Variants in ADAM30 observed in about 807,000 individuals in gnomAD.
ADAM30 encodes ADAM metallopeptidase domain 30.
For missense variants in ADAM30, 960 were observed against 959.4 expected (o/e 1.00, Z -0.01); for synonymous variants, 382 against 340.9 (o/e 1.12, Z -1.33).
Position 119,894,348 on chromosome 1 carries a change from T to A in ADAM30, c.1989A>T (p.Glu663Asp), listed in dbSNP as rs755989092. ...TGTCAATGCTTCCTCCATACCCCAC[T>A]TCCTCACAGAATGGAGGTGCCCACC... ...MYGWAPPFCE[E>D]VGYGGSIDSG... The change falls in exon 1 of 1, where the codon GAA (glutamate) becomes GAT (aspartate). Residue 663 changes from glutamate (E) to aspartate (D), a missense_variant. Glu to Asp is a conservative substitution (Grantham distance 45). Coordinates refer to ENST00000369400, the MANE Select transcript of ADAM30 (RefSeq NM_021794.4). 6.2e-7 allele frequency: 1 copy of A among 1,614,162 alleles called. No individual in the cohort carries two copies.
At position 119,895,245 on chromosome 1, in the gene ADAM30, G is replaced by A; in HGVS notation, c.1092C>T (p.Gly364=). ...AATTGCTAAACCCAGTGCGTCCTGA[G>A]CCCATGATGCAATTAAGCCTACCCC... ...QCRGRLNCIM[G]SGRTGFSNCS... The change falls in exon 1 of 1, where the codon GGC becomes GGT. Residue 364 remains glycine, a synonymous_variant. Coordinates refer to ENST00000369400, the MANE Select transcript of ADAM30 (RefSeq NM_021794.4). 4 of 1,614,158 alleles carry A rather than the reference G, an allele frequency of 2.5e-6. No homozygotes were observed. The highest frequency in any genetic ancestry group is 2.5e-6 in the Non-Finnish European group (3 of 1,180,024).
Position 119,893,722 on chromosome 1 carries a change from C to T in ADAM30, c.*242G>A. ...TTCAGAGCTTTAGTGTATGGAAAAG[C>T]CATTAGAGCATGATTCTCAGAATAC... On this transcript the variant is annotated 3_prime_UTR_variant, in exon 1 of 1. Transcript: ENST00000369400. The T allele has an allele frequency of 3.0e-6, 2 of 659,680 alleles. No homozygotes were observed. Among genetic ancestry groups the T allele is most frequent in the Non-Finnish European group, 4.8e-6 (2 of 417,844 alleles). The allele number at this position is 659,680 out of a possible 1,614,324, so 40.9% of individuals were successfully genotyped here. A position where few individuals can be genotyped will look rare whatever the true frequency, so the allele number is the denominator to read the frequency against.
rs752884037 is a variant in ADAM30, at chr1:119,894,813, T to G, written c.1524A>C (p.Gln508His). ...KGCRSRYMQC[Q>H]SIFGPDAMEA... ...CCATGGCATCAGGTCCAAAAATGCT[T>G]TGGCACTGCATATATCTGGATCTGC... The change falls in exon 1 of 1, where the codon CAA (glutamine) becomes CAC (histidine). Residue 508 changes from glutamine to histidine, a missense_variant. Physicochemically the swap from Gln to His is conservative, Grantham distance 24. Transcript: ENST00000369400. The G allele has an allele frequency of 1.9e-6, 3 of 1,614,072 alleles. No homozygotes were observed. The highest frequency in any genetic ancestry group is 2.5e-6 in the Non-Finnish European group (3 of 1,180,034).
chr1:119,895,603 C>G lies in ADAM30; in HGVS notation c.734G>C (p.Arg245Pro). 2 of 1,613,876 alleles carry G rather than the reference C, an allele frequency of 1.2e-6. No individual in the cohort carries two copies. The highest frequency in any genetic ancestry group is 1.7e-6 in the Non-Finnish European group (2 of 1,180,008). The change falls in exon 1 of 1, where the codon CGT becomes CCT. Residue 245 changes from arginine (R) to proline (P), a missense_variant. Transcript: ENST00000369400. Reference protein sequence around the residue: ...GIMDTYFQDVRMRIHLKALEV... With the variant: ...GIMDTYFQDVPMRIHLKALEV... ...AAGAGCCTTTAAGTGTATCCTCATACGAACATCTTGAAAGTAGGTGTCCAT... is the reference window on the plus strand; with the variant it reads ...AAGAGCCTTTAAGTGTATCCTCATAGGAACATCTTGAAAGTAGGTGTCCAT...
At position 119,896,428 on chromosome 1, in the gene ADAM30, C is replaced by T; in HGVS notation, c.-92G>A. On this transcript the variant is annotated 5_prime_UTR_variant, in exon 1 of 1. Transcript: ENST00000369400. ...TTCTGGGGGCCGCCGCTAGAGGCGCCTGAGCTCAAAACCCGGCTCCCCTGG... is the reference window on the plus strand; with the variant it reads ...TTCTGGGGGCCGCCGCTAGAGGCGCTTGAGCTCAAAACCCGGCTCCCCTGG... 1 of 1,435,854 alleles carries T rather than the reference C, an allele frequency of 7.0e-7. No homozygotes were observed. Among genetic ancestry groups the T allele is most frequent in the Non-Finnish European group, 9.1e-7 (1 of 1,093,850 alleles). 88.9% of individuals were successfully genotyped at this position (1,435,854 alleles called of 1,614,324 possible).
Position 119,895,564 on chromosome 1 carries a change from T to TC in ADAM30, c.772dup (p.Asp258GlyfsTer3). ...ATATCCAACGCGTATTTTGTTAAAA[T>TC]CTGTCCATACTTCAAGAGCCTTTAA... On this transcript the variant is annotated frameshift_variant, in exon 1 of 1. Transcript: ENST00000369400. LOFTEE classifies it low-confidence loss of function (END_TRUNC). 6.2e-7 allele frequency: 1 copy of TC among 1,613,904 alleles called. No homozygotes were observed. The highest frequency in any genetic ancestry group is 8.5e-7 in the Non-Finnish European group (1 of 1,180,038).
rs1192100903 is a variant in ADAM30 at position 119,895,209 on chromosome 1, G to T, written c.1128C>A (p.Ile376=). 3.1e-5 allele frequency: 50 copies of T among 1,614,058 alleles called. 2 individuals are homozygous for T. The South Asian group carries it at 4.8e-4, about 16-fold the overall frequency. ...GRTGFSNCSY[I]SFFKHISSGA... ...CCGAAGAGATATGTTTAAAAAAAGA[G>T]ATATAACTGCAATTGCTAAACCCAG... The change falls in exon 1 of 1, where the codon ATC becomes ATA. Residue 376 remains isoleucine (I), a synonymous_variant. Transcript: ENST00000369400.
Position 119,894,971 on chromosome 1 carries a change from CG to C in ADAM30, c.1365del (p.Tyr455Ter). 1 of 1,614,196 alleles carries C rather than the reference CG, an allele frequency of 6.2e-7. No homozygotes were observed. Among genetic ancestry groups the C allele is most frequent in the Non-Finnish European group, 8.5e-7 (1 of 1,180,046 alleles). ...CATTCATTTCCTTCCTGCCTACACA[CG>C]TATCCAGATGGACGAAACCGACAAT... is the stretch of plus-strand genomic sequence containing the variant. ...CHDCRFRPSG[Y>X]VCRQEGNECD... is the part of the protein sequence containing the mutation. On this transcript the variant is annotated frameshift_variant, in exon 1 of 1. Coordinates refer to ENST00000369400, the MANE Select transcript of ADAM30 (RefSeq NM_021794.4). LOFTEE classifies it low-confidence loss of function (END_TRUNC).
chr1:119,894,982 G>A lies in ADAM30; in HGVS notation c.1355C>T (p.Pro452Leu), dbSNP rs1438007761. ...GLCCHDCRFR[P>L]SGYVCRQEGN... ...TTCCTGCCTACACACGTATCCAGAT[G>A]GACGAAACCGACAATCATGACAGCA... The change falls in exon 1 of 1, where the codon CCA (proline) becomes CTA (leucine). Residue 452 changes from proline to leucine, a missense_variant. Physicochemically the swap from Pro to Leu is moderately conservative, Grantham distance 98. Coordinates refer to ENST00000369400, the MANE Select transcript of ADAM30 (RefSeq NM_021794.4). 6.2e-7 allele frequency: 1 copy of A among 1,614,070 alleles called. No individual in the cohort carries two copies. The highest frequency in any genetic ancestry group is 2.2e-5 in the East Asian group (1 of 44,898).
At position 119,896,481 on chromosome 1, in the gene ADAM30, C is replaced by T. The variant is rs587731764; in HGVS notation, c.-145G>A. ...GGGTTTCCGGGGGAGCCCGTAGCCT[C>T]CCAGGGCTCGGTCTAGCTGGCGTCC... On this transcript the variant is annotated 5_prime_UTR_variant, in exon 1 of 1. Transcript: ENST00000369400. 19 of 1,339,794 alleles carry T rather than the reference C, an allele frequency of 1.4e-5. No homozygotes were observed. The East Asian group carries it at 4.7e-4, about 33-fold the overall frequency. The allele number at this position is 1,339,794 out of a possible 1,614,324, so 83.0% of individuals were successfully genotyped here.
In ADAM30 at chr1:119,895,186, G is replaced by A. The variant is rs141186333; in HGVS notation, c.1151C>T (p.Ser384Leu). 672 of 1,614,074 alleles carry A rather than the reference G, an allele frequency of 4.2e-4. 2 individuals carry two copies. The Middle Eastern group carries it at 5.0e-3, about 12-fold the overall frequency. ...SYISFFKHIS[S>L]GATCLNNIPG... is the part of the protein sequence containing the mutation. ...GATATTATTTAGACATGTTGCTCCCGAAGAGATATGTTTAAAAAAAGAGAT... is the reference window on the plus strand; with the variant it reads ...GATATTATTTAGACATGTTGCTCCCAAAGAGATATGTTTAAAAAAAGAGAT... Residue 384 changes from serine to leucine, a missense_variant, in exon 1 of 1, where the codon TCG becomes TTG. Transcript: ENST00000369400.
Position 119,894,698 on chromosome 1 carries a change from A to G in ADAM30, c.1639T>C (p.Cys547Arg), listed in dbSNP as rs1484733718. 6.2e-7 allele frequency: 1 copy of G among 1,613,970 alleles called. No individual in the cohort carries two copies. Among genetic ancestry groups the G allele is most frequent in the East Asian group, 2.2e-5 (1 of 44,896 alleles). The change falls in exon 1 of 1, where the codon TGT becomes CGT. Residue 547 changes from cysteine (C) to arginine (R), a missense_variant. Transcript: ENST00000369400. ...CCACATATTGAATTTGCACTTTCAC[A>G]CTTTTTAAAATTTCGAATTCCTGTA... The part of the protein sequence containing the change: ...EITGIRNFKK[C>R]ESANSICGRL...
Position 119,894,231 on chromosome 1 carries a change from T to C in ADAM30, c.2106A>G (p.Ser702=). 6.2e-7 allele frequency: 1 copy of C among 1,614,112 alleles called. No individual in the cohort carries two copies. Among genetic ancestry groups the C allele is most frequent in the Non-Finnish European group, 8.5e-7 (1 of 1,180,024 alleles). ...IMFRLILLIL[S]VVFVFFRQVI... is the part of the protein sequence containing the mutation. ...CTTGCCGGAAAAACACAAAAACCACTGAAAGGATTAATAAAATAAGGCGAA... is the reference window on the plus strand; with the variant it reads ...CTTGCCGGAAAAACACAAAAACCACCGAAAGGATTAATAAAATAAGGCGAA... The change falls in exon 1 of 1, where the codon TCA becomes TCG. Residue 702 remains serine (S), a synonymous_variant. Coordinates refer to ENST00000369400, the MANE Select transcript of ADAM30 (RefSeq NM_021794.4).
chr1:119,893,967 C>CT lies in ADAM30; in HGVS notation c.2369dup (p.Ter791ValfsTer10). ...TGAATGAGTATGGATTGCCCGGTTA[C>CT]TTTTTTTGTTTCTTGACACTCTTTG... On this transcript the variant is annotated frameshift_variant, in exon 1 of 1. Coordinates refer to ENST00000369400, the MANE Select transcript of ADAM30 (RefSeq NM_021794.4). LOFTEE classifies it high-confidence loss of function. 6.2e-7 allele frequency: 1 copy of CT among 1,606,102 alleles called. No individual in the cohort carries two copies. The highest frequency in any genetic ancestry group is 8.5e-7 in the Non-Finnish European group (1 of 1,178,064).
chr1:119,894,579 G>A lies in ADAM30; in HGVS notation c.1758C>T (p.Cys586=). The change falls in exon 1 of 1, where the codon TGC becomes TGT. Residue 586 remains cysteine (C), a synonymous_variant. Coordinates refer to ENST00000369400, the MANE Select transcript of ADAM30 (RefSeq NM_021794.4). Reference sequence around the variant, plus strand: ...TGGATAGATGATAGCCTGTGCCCCAGCACATGAGATTTTCTGCCTGTAAAT... The same window carrying A: ...TGGATAGATGATAGCCTGTGCCCCAACACATGAGATTTTCTGCCTGTAAAT... The part of the protein sequence containing the change: ...STHLQAENLM[C]WGTGYHLSMK... The A allele has an allele frequency of 6.2e-7, 1 of 1,614,056 alleles. No individual in the cohort carries two copies. Among genetic ancestry groups the A allele is most frequent in the East Asian group, 2.2e-5 (1 of 44,876 alleles).
In ADAM30 at chr1:119,894,020, C is replaced by T. The variant is rs1402742535; in HGVS notation, c.2317G>A (p.Ala773Thr). Residue 773 changes from alanine to threonine, a missense_variant, in exon 1 of 1, where the codon GCA (alanine) becomes ACA (threonine). Ala to Thr is a moderately conservative substitution (Grantham distance 58, BLOSUM62 0). Transcript: ENST00000369400. ...TTGGGTCGTTTACTTTCAATGTTTG[C>T]TTTAGATTCTTCCTGTCCAGTTTTT... The part of the protein sequence containing the change: ...KAKTGQEESK[A>T]NIESKRPKAK... The T allele has an allele frequency of 1.2e-6, 2 of 1,612,500 alleles. No individual in the cohort carries two copies. Among genetic ancestry groups the T allele is most frequent in the Non-Finnish European group, 1.7e-6 (2 of 1,179,542 alleles).
chr1:119,894,622 G>A lies in ADAM30; in HGVS notation c.1715C>T (p.Thr572Met), dbSNP rs367708640. The part of the protein sequence containing the change: ...VETIPDLPEH[T>M]TIISTHLQAE... ...CTGTAAATGAGTAGAAATTATAGTC[G>A]TATGCTCTGGCAAATCAGGGATGGT... Residue 572 changes from threonine (T) to methionine (M), a missense_variant, in exon 1 of 1, where the codon ACG (threonine) becomes ATG (methionine). Transcript: ENST00000369400. 21 of 1,613,944 alleles carry A rather than the reference G, an allele frequency of 1.3e-5. No individual in the cohort carries two copies. Among genetic ancestry groups the A allele is most frequent in the Middle Eastern group, 1.6e-4 (1 of 6,084 alleles).
Position 119,895,743 on chromosome 1 carries a change from G to A in ADAM30, c.594C>T (p.Ser198=). Reference sequence around the variant, plus strand: ...ATTCCAAGTACTTTGGGTGTTTATAGGATCCAGGAAAGTCCCTTAGCCTCG... The same window carrying A: ...ATTCCAAGTACTTTGGGTGTTTATAAGATCCAGGAAAGTCCCTTAGCCTCG... ...NKARLRDFPG[S]YKHPKYLELI... The change falls in exon 1 of 1, where the codon TCC becomes TCT. Residue 198 remains serine (S), a synonymous_variant. Transcript: ENST00000369400. The A allele has an allele frequency of 6.2e-7, 1 of 1,614,034 alleles. No homozygotes were observed. The highest frequency in any genetic ancestry group is 1.1e-5 in the South Asian group (1 of 91,034).
chr1:119,893,657 A>G lies in ADAM30; in HGVS notation c.*307T>C. The G allele has an allele frequency of 5.2e-6, 2 of 385,578 alleles. No homozygotes were observed. The highest frequency in any genetic ancestry group is 4.5e-6 in the Non-Finnish European group (1 of 221,560). The allele number at this position is 385,578 out of a possible 1,614,324, so 23.9% of individuals were successfully genotyped here. On this transcript the variant is annotated 3_prime_UTR_variant, in exon 1 of 1. Transcript: ENST00000369400. ...CCCTGGGATTCTGAGAAACAAGACT[A>G]TACCTTGAATAGCATGGTAATTCTA...
Sources: gnomAD v4.1 joint callset for allele counts on GRCh38, gnomAD v4.1.1 for gene constraint, MANE v1.5 for transcripts, NCBI Gene and HGNC (gene_info 2026-07-23, HGNC 2026-07-21) for gene names.